ZNHIT6: variants seen among roughly 807,000 people sequenced by gnomAD.
ZNHIT6 encodes the protein box C/D snoRNA protein 1.
Under a neutral mutation model 57.2 loss-of-function variants are expected in ZNHIT6, and 45 were observed. That is an observed-to-expected ratio of 0.79 (90% CI 0.62 to 1.01). The LOEUF is 1.01. ZNHIT6 is among the 50% of genes least tolerant of loss of function. The probability of loss-of-function intolerance (pLI) is 0.00; values close to 1 mark genes in which losing one functional copy is unlikely to be tolerated. For missense variants in ZNHIT6, 528 were observed against 567.3 expected (o/e 0.93, Z 0.70); for synonymous variants, 188 against 190.0 (o/e 0.99, Z 0.09).
At chr1:85,706,812 C>T (rs976986467) in intron 1 of ZNHIT6, among the ~76,000 whole-genome samples, 1 of 152,096 alleles carries the variant, frequency 6.6e-6, no homozygotes, top group African/African-American at 2.4e-5. Context: ...CTTGTGATTC[C>T]TGGAAATGTG....
intron 5 of ZNHIT6, among the ~76,000 whole-genome samples, chr1:85,690,931 C>G (rs9793547): frequency 6.6e-6 from 1 of 151,878 alleles, no homozygotes; most frequent in African/African-American, 2.4e-5. Flanking sequence ...GAGGCTGAGG[C>G]AGAAGAATCA....
In ZNHIT6 at chr1:85,653,739, CAAAAAAAGAAAGAAAAAAGAA is replaced by C. The variant is rs1261030997; in HGVS notation, c.*298_*318del. ...CCACTTGCACTCCAAGACCCCATCTCAAAAAAAGAAAGAAAAAAGAAAAAAAAAGTTTTCAGTTTATGGAAT... is the reference window on the plus strand; with the variant it reads ...CCACTTGCACTCCAAGACCCCATCTCAAAAAAAGTTTTCAGTTTATGGAAT... On this transcript the variant is annotated 3_prime_UTR_variant, in exon 10 of 10. Transcript: ENST00000370574. 2 of 201,088 alleles carry C rather than the reference CAAAAAAAGAAAGAAAAAAGAA, an allele frequency of 9.9e-6. No homozygotes were observed. Among genetic ancestry groups the C allele is most frequent in the Non-Finnish European group, 2.0e-5 (2 of 101,990 alleles). The allele number at this position is 201,088 out of a possible 1,614,324, so 12.5% of individuals were successfully genotyped here.
intron 8 of ZNHIT6, among the ~76,000 whole-genome samples, chr1:85,661,352 T>A (rs528668537): frequency 1.3e-5 from 2 of 152,328 alleles, no homozygotes; most frequent in East Asian, 3.9e-4. Flanking sequence ...ATAATGACAG[T>A]ATCACTTCAG....
At position 85,692,094 on chromosome 1, in the gene ZNHIT6, G is replaced by A. The variant is rs562453810; in HGVS notation, c.1019+10063C>T. ...TGAGGCAGGAGAATCGCTTGAACCC[G>A]GGAGGCAGATGGGGTTCTTCAACAG... On this transcript the variant is annotated intron_variant, in intron 5 of 9. Transcript: ENST00000370574. Among the ~76,000 whole-genome samples, 19 of 152,210 alleles carry A rather than the reference G, an allele frequency of 1.2e-4. 1 individual carries two copies. In the South Asian group the frequency reaches 3.3e-3, roughly 27 times the overall value.
intron 1 of ZNHIT6, 79 bp downstream of exon 1, chr1:85,707,550 C>T: frequency 7.0e-7 from 1 of 1,427,066 alleles, no homozygotes; most frequent in Non-Finnish European, 9.4e-7. Context: ...CCACCTTCTC[C>T]TGATAGTGTG....
At chr1:85,683,448 G>A (rs758686859) in intron 5 of ZNHIT6, among the ~76,000 whole-genome samples, 9 of 151,952 alleles carry the variant, frequency 5.9e-5, no homozygotes, top group Non-Finnish European at 1.0e-4. Context: ...GCTTGAACCC[G>A]GGAGGCGGAG....
At chr1:85,691,818 G>A (rs545425661) in intron 5 of ZNHIT6, among the ~76,000 whole-genome samples, 1 of 152,096 alleles carries the variant, frequency 6.6e-6, no homozygotes, top group Admixed American at 6.5e-5. Flanking sequence ...CCCAAGAGGC[G>A]GAGATTGCAG....
intron 4 of ZNHIT6, among the ~76,000 whole-genome samples, chr1:85,704,535 T>C (rs1392285713): frequency 1.3e-5 from 2 of 152,160 alleles, no homozygotes; most frequent in Admixed American, 1.3e-4. Context: ...AAATGAATAT[T>C]CATTTTATAA....
Position 85,708,050 on chromosome 1 carries a change from T to C in ZNHIT6, c.235A>G (p.Lys79Glu). Reference protein sequence around the residue: ...EEIPMDLTVVKQEIIDWPGTE... With the variant: ...EEIPMDLTVVEQEIIDWPGTE... ...CCTGGCCAGTCTATAATTTCCTGCT[T>C]CACTACCGTTAGGTCCATCGGTATT... The change falls in exon 1 of 10, where the codon AAG becomes GAG. Residue 79 changes from lysine to glutamate, a missense_variant. Transcript: ENST00000370574. 1.9e-6 allele frequency: 3 copies of C among 1,614,160 alleles called. No homozygotes were observed. Among genetic ancestry groups the C allele is most frequent in the Non-Finnish European group, 2.5e-6 (3 of 1,180,028 alleles).
At chr1:85,706,420 A>T (rs1570340741) in intron 2 of ZNHIT6, 22 bp downstream of exon 2, 11 of 1,613,318 alleles carry the variant, frequency 6.8e-6, no homozygotes, top group African/African-American at 4.0e-5. Flanking sequence ...ACAGGTTAAA[A>T]GGTAGGAAGT....
At chr1:85,667,961 A>AAAAAAAAAAAAATATATATATATATATAT in intron 8 of ZNHIT6, among the ~76,000 whole-genome samples, 4 of 18,198 alleles carry the variant, frequency 2.2e-4, no homozygotes, top group Non-Finnish European at 4.0e-4. Flanking sequence ...AAAAAAAAAA[A>AAAAAAAAAAAAATATATATATATATATAT]ATATATATAT....
chr1:85,690,483 T>C (rs920378163), intron 5 of ZNHIT6, among the ~76,000 whole-genome samples: 9 of 152,204 alleles, frequency 5.9e-5, no homozygotes, highest in African/African-American at 2.2e-4. Flanking sequence ...CTCTAGGAAG[T>C]CTTTCCTGTT....
At chr1:85,667,362 T>A (rs1273672247) in intron 8 of ZNHIT6, among the ~76,000 whole-genome samples, 1 of 152,158 alleles carries the variant, frequency 6.6e-6, no homozygotes, top group Non-Finnish European at 1.5e-5. Flanking sequence ...TTTAAATAAC[T>A]CTTGCAGGAA....
At chr1:85,705,990 C>T in intron 4 of ZNHIT6, 88 bp downstream of exon 4, 1 of 1,075,506 alleles carries the variant, frequency 9.3e-7, no homozygotes. Context: ...ATGGTAGCCA[C>T]TTAATATATT....
rs1245254090 is a variant in ZNHIT6, at chr1:85,650,637, CAA to C, written c.*3419_*3420del. ...TCATGATTCTGGTGGCTGGAAGGCT[CAA>C]GATTGGGCAGCTGTATCTGGTGAGG... On this transcript the variant is annotated 3_prime_UTR_variant, in exon 10 of 10. Coordinates refer to ENST00000370574, the MANE Select transcript of ZNHIT6 (RefSeq NM_017953.4). 6.6e-6 allele frequency: 1 copy of C among 152,076 alleles called. No homozygotes were observed. Among genetic ancestry groups the C allele is most frequent in the Non-Finnish European group, 1.5e-5 (1 of 68,020 alleles). 9.4% of individuals were successfully genotyped at this position (152,076 alleles called of 1,614,324 possible). A position where few individuals can be genotyped will look rare whatever the true frequency, so the allele number is the denominator to read the frequency against.
chr1:85,685,992 C>T (rs185524632), intron 5 of ZNHIT6, among the ~76,000 whole-genome samples: 13 of 149,910 alleles, frequency 8.7e-5, no homozygotes, highest in South Asian at 6.3e-4. Context: ...GATGGAGTCT[C>T]GCTCTGTCGC....
intron 8 of ZNHIT6, among the ~76,000 whole-genome samples, chr1:85,664,826 T>C (rs1179370408): frequency 6.6e-6 from 1 of 152,012 alleles, no homozygotes; most frequent in Admixed American, 6.6e-5. Context: ...TCTCTCTCGT[T>C]CTGTTGTTGT....
intron 4 of ZNHIT6, among the ~76,000 whole-genome samples, chr1:85,705,535 T>G (rs1662662558): frequency 6.6e-6 from 1 of 152,136 alleles, no homozygotes; most frequent in Non-Finnish European, 1.5e-5. Context: ...TTTCTCTAAC[T>G]TCATTTTCAA....
chr1:85,667,245 T>C (rs1661393782), intron 8 of ZNHIT6, among the ~76,000 whole-genome samples: 1 of 152,152 alleles, frequency 6.6e-6, no homozygotes, highest in Non-Finnish European at 1.5e-5. Flanking sequence ...ATGTACGAAG[T>C]GCTTACCAGA....
Sources: gnomAD v4.1 joint callset for allele counts (sites outside exome capture counted in the v4.1 genomes callset) on GRCh38, gnomAD v4.1.1 for gene constraint, MANE v1.5 for transcripts, NCBI Gene and HGNC (gene_info 2026-07-23, HGNC 2026-07-21) for gene names.